RFXAP: variants seen among roughly 807,000 people sequenced by gnomAD.
RFXAP encodes the protein regulatory factor X-associated protein.
Under a neutral mutation model 25.7 loss-of-function variants are expected in RFXAP, and 21 were observed. That is an observed-to-expected ratio of 0.82 (90% CI 0.58 to 1.18). The LOEUF (loss-of-function observed/expected upper bound fraction) is 1.18, where lower values mean the gene tolerates loss of function less well. Among genes scored for constraint, RFXAP ranks in the 50% most tolerant of loss-of-function variants. The pLI is 0.00. For missense variants in RFXAP, 333 were observed against 363.0 expected (o/e 0.92, Z 0.67); for synonymous variants, 161 against 152.2 (o/e 1.06, Z -0.43).
At position 36,819,898 on chromosome 13, in the gene RFXAP, C is replaced by T. The variant is rs1271913554; in HGVS notation, c.541C>T (p.Gln181Ter). Residue 181 changes from glutamine (Q) to a stop codon, truncating the protein, a stop_gained, in exon 1 of 3, where the codon CAG becomes TAG. Transcript: ENST00000255476. LOFTEE classifies it high-confidence loss of function. Reference protein sequence around the residue: ...KDKYKKKKSDQALNCGGTAST... With the variant: ...KDKYKKKKSD ...CAAGTATAAAAAGAAGAAGAGCGAC[C>T]AGGCCCTGAACTGCGGTGGGACTGC... 6.2e-7 allele frequency: 1 copy of T among 1,613,536 alleles called. No homozygotes were observed. The highest frequency in any genetic ancestry group is 1.7e-5 in the Admixed American group (1 of 59,932).
In RFXAP at chr13:36,825,416, C is replaced by T; in HGVS notation, c.601-12C>T. 2.5e-6 allele frequency: 4 copies of T among 1,581,352 alleles called. No homozygotes were observed. The highest frequency in any genetic ancestry group is 3.5e-6 in the Non-Finnish European group (4 of 1,151,784). ...ACTGTTTATCTATTTGCATTTTTAT[C>T]ATTTATCCCAGGAAAGTGCAGATAA... On this transcript the variant is annotated splice_polypyrimidine_tract_variant and intron_variant, in intron 1 of 2. Coordinates refer to ENST00000255476, the MANE Select transcript of RFXAP (RefSeq NM_000538.4).
chr13:36,823,909 T>C (rs907755075), intron 1 of RFXAP, among the ~76,000 whole-genome samples: 17 of 152,170 alleles, frequency 1.1e-4, no homozygotes, highest in Non-Finnish European at 1.5e-4. Context: ...TAACTAGGAC[T>C]CTTAGGCATA....
chr13:36,825,285 AAGAACTTTCCC>A, intron 1 of RFXAP, 132 bp from the exon 2 acceptor site: 3 of 630,182 alleles, frequency 4.8e-6, no homozygotes, highest in East Asian at 3.0e-5. Context: ...TATGATAATG[AAGAACTTTCCC>A]AGAGTTGCCC....
chr13:36,825,861 G>A (rs564027151), intron 2 of RFXAP, among the ~76,000 whole-genome samples: 2 of 152,052 alleles, frequency 1.3e-5, no homozygotes, highest in East Asian at 1.9e-4. Context: ...TATGGTTAAC[G>A]TGTCTGGTAT....
intron 1 of RFXAP, among the ~76,000 whole-genome samples, chr13:36,825,094 C>G (rs1170357977): frequency 6.6e-6 from 1 of 152,036 alleles, no homozygotes. Context: ...TTGAAAATAG[C>G]TCACAAGTAA....
chr13:36,820,653 T>C (rs1445360988), intron 1 of RFXAP, among the ~76,000 whole-genome samples: 1 of 152,088 alleles, frequency 6.6e-6, no homozygotes, highest in Non-Finnish European at 1.5e-5. Flanking sequence ...TTAGTACCCC[T>C]GAGGGGGGAA....
intron 2 of RFXAP, among the ~76,000 whole-genome samples, chr13:36,827,337 T>C (rs930630833): frequency 6.6e-6 from 1 of 152,204 alleles, no homozygotes; most frequent in Non-Finnish European, 1.5e-5. Context: ...TTTAGCTCTT[T>C]GTTCTTACAT....
At chr13:36,821,448 C>G (rs1439836541) in intron 1 of RFXAP, among the ~76,000 whole-genome samples, 1 of 151,740 alleles carries the variant, frequency 6.6e-6, no homozygotes, top group Admixed American at 6.6e-5. Context: ...ATCGCTTGAG[C>G]CCGGAAGTTT....
intron 1 of RFXAP, among the ~76,000 whole-genome samples, chr13:36,822,964 A>C (rs2057967648): frequency 6.6e-6 from 1 of 152,218 alleles, no homozygotes; most frequent in Non-Finnish European, 1.5e-5. Context: ...TACTCCAGAA[A>C]GGCTTTGCAG....
intron 1 of RFXAP, among the ~76,000 whole-genome samples, chr13:36,824,581 T>C (rs2057972287): frequency 6.6e-6 from 1 of 152,240 alleles, no homozygotes; most frequent in African/African-American, 2.4e-5. Flanking sequence ...TTATATTTGC[T>C]ACTTTAGTAA....
At position 36,819,456 on chromosome 13, in the gene RFXAP, G is replaced by A. The variant is rs1467366776; in HGVS notation, c.99G>A (p.Ala33=). 6.6e-7 allele frequency: 1 copy of A among 1,505,394 alleles called. No homozygotes were observed. The highest frequency in any genetic ancestry group is 8.9e-7 in the Non-Finnish European group (1 of 1,126,654). 93.3% of individuals were successfully genotyped at this position (1,505,394 alleles called of 1,614,324 possible). ...CCCCGGCTGCGGCTCCCACCTTGGC[G>A]CCAGCCTCGGTGGCGGCCGCGGCCT... ...ALAPAAAPTL[A]PASVAAAASQ... Residue 33 remains alanine (A), a synonymous_variant, in exon 1 of 3, where the codon GCG becomes GCA. Transcript: ENST00000255476.
rs946397384 is a variant in RFXAP at position 36,819,737 on chromosome 13, C to G, written c.380C>G (p.Ala127Gly). ...HSGGEGSSGG[A>G]RRRGSGGGSM... ...GGGGGCGAGGGCAGCAGCGGGGGCG[C>G]CCGGAGGCGGGGCAGCGGTGGGGGC... The change falls in exon 1 of 3, where the codon GCC (alanine) becomes GGC (glycine). Residue 127 changes from alanine (A) to glycine (G), a missense_variant. By Grantham distance (60) the Ala-to-Gly change is moderately conservative (BLOSUM62 0). Coordinates refer to ENST00000255476, the MANE Select transcript of RFXAP (RefSeq NM_000538.4). 1.3e-6 allele frequency: 2 copies of G among 1,552,000 alleles called. No homozygotes were observed. The highest frequency in any genetic ancestry group is 3.9e-5 in the Admixed American group (2 of 51,124).
chr13:36,827,918 C>A lies in RFXAP; in HGVS notation c.*165C>A. 3.3e-6 allele frequency: 2 copies of A among 597,810 alleles called. No individual in the cohort carries two copies. Among genetic ancestry groups the A allele is most frequent in the South Asian group, 2.3e-5 (1 of 43,396 alleles). The allele number at this position is 597,810 out of a possible 1,614,324, so 37.0% of individuals were successfully genotyped here. A position where few individuals can be genotyped will look rare whatever the true frequency, so the allele number is the denominator to read the frequency against. ...GGATAAGTAAGTATTGCACTTTGTG[C>A]ATCTAATCTTTCAGATTACTGTGAG... On this transcript the variant is annotated 3_prime_UTR_variant, in exon 3 of 3. Coordinates refer to ENST00000255476, the MANE Select transcript of RFXAP (RefSeq NM_000538.4).
rs1489430060 is a variant in RFXAP, at chr13:36,819,555, G to A, written c.198G>A (p.Gly66=). 1 of 1,523,918 alleles carries A rather than the reference G, an allele frequency of 6.6e-7. No individual in the cohort carries two copies. Among genetic ancestry groups the A allele is most frequent in the South Asian group, 1.2e-5 (1 of 80,022 alleles). 94.4% of individuals were successfully genotyped at this position (1,523,918 alleles called of 1,614,324 possible). A position where few individuals can be genotyped will look rare whatever the true frequency, so the allele number is the denominator to read the frequency against. The change falls in exon 1 of 3, where the codon GGG becomes GGA. Residue 66 remains glycine (G), a synonymous_variant. Coordinates refer to ENST00000255476, the MANE Select transcript of RFXAP (RefSeq NM_000538.4). The stretch of plus-strand genomic sequence containing the variant: ...CTGCGGCCCCCGGGGGCAGCGTTGG[G>A]GCGGGCAAGCCCGTTAGGTACCTGT... The part of the protein sequence containing the change: ...DEAAAPGGSV[G]AGKPVRYLCE...
rs893937976 is a variant in RFXAP, at chr13:36,828,525, G to C, written c.*772G>C. ...CTTCTCTCTTTGATGTTACCTGTTA[G>C]TGCTGATCTCTTAAAGCAGACATTT... On this transcript the variant is annotated 3_prime_UTR_variant, in exon 3 of 3. Coordinates refer to ENST00000255476, the MANE Select transcript of RFXAP (RefSeq NM_000538.4). 6.6e-6 allele frequency: 1 copy of C among 152,194 alleles called. No homozygotes were observed. The highest frequency in any genetic ancestry group is 2.4e-5 in the African/African-American group (1 of 41,438). 9.4% of individuals were successfully genotyped at this position (152,194 alleles called of 1,614,324 possible). A position where few individuals can be genotyped will look rare whatever the true frequency, so the allele number is the denominator to read the frequency against.
chr13:36,828,051 C>T lies in RFXAP; in HGVS notation c.*298C>T, dbSNP rs1471377496. The stretch of plus-strand genomic sequence containing the variant: ...CTGAAGGTAATGAAGCAGTTACTTT[C>T]TGTGGAAGTCATAAAGTTAATAGAT... On this transcript the variant is annotated 3_prime_UTR_variant, in exon 3 of 3. Transcript: ENST00000255476. The T allele has an allele frequency of 2.7e-5, 9 of 329,594 alleles. No homozygotes were observed. Among genetic ancestry groups the T allele is most frequent in the Non-Finnish European group, 4.5e-5 (8 of 177,346 alleles). The allele number at this position is 329,594 out of a possible 1,614,324, so 20.4% of individuals were successfully genotyped here.
rs1593529669 is a variant in RFXAP at position 36,819,269 on chromosome 13, G to A, written c.-89G>A. 3 of 1,189,666 alleles carry A rather than the reference G, an allele frequency of 2.5e-6. No homozygotes were observed. The highest frequency in any genetic ancestry group is 4.4e-5 in the South Asian group (1 of 22,966). The allele number at this position is 1,189,666 out of a possible 1,614,324, so 73.7% of individuals were successfully genotyped here. On this transcript the variant is annotated 5_prime_UTR_variant, in exon 1 of 3. The change creates a new upstream start codon in the 5' untranslated region. Transcript: ENST00000255476. The stretch of plus-strand genomic sequence containing the variant: ...CGGTATAGGCGCCTTTTACCCCAGC[G>A]TGTCCTGAGTCTTTGGTTCGCGAAG...
Position 36,827,376 on chromosome 13 carries a change from T to C in RFXAP, c.709-267T>C, listed in dbSNP as rs535670873. Reference sequence around the variant, plus strand: ...TCAAGAGAGTATATTTGCTGGCATATTAGAGAAGGTGTTTCCTTTTTACAC... The same window carrying C: ...TCAAGAGAGTATATTTGCTGGCATACTAGAGAAGGTGTTTCCTTTTTACAC... On this transcript the variant is annotated intron_variant, in intron 2 of 2. Coordinates refer to ENST00000255476, the MANE Select transcript of RFXAP (RefSeq NM_000538.4). 1.3e-5 allele frequency among the ~76,000 whole-genome samples: 2 copies of C among 152,298 alleles called. 1 individual carries two copies. The highest frequency in any genetic ancestry group is 4.1e-4 in the South Asian group (2 of 4,822).
Position 36,827,916 on chromosome 13 carries a change from T to G in RFXAP, c.*163T>G. 1.6e-6 allele frequency: 1 copy of G among 607,534 alleles called. No individual in the cohort carries two copies. The highest frequency in any genetic ancestry group is 2.9e-6 in the Non-Finnish European group (1 of 341,058). 37.6% of individuals were successfully genotyped at this position (607,534 alleles called of 1,614,324 possible). The stretch of plus-strand genomic sequence containing the variant: ...GGGGATAAGTAAGTATTGCACTTTG[T>G]GCATCTAATCTTTCAGATTACTGTG... On this transcript the variant is annotated 3_prime_UTR_variant, in exon 3 of 3. Coordinates refer to ENST00000255476, the MANE Select transcript of RFXAP (RefSeq NM_000538.4).
Sources: allele counts gnomAD v4.1 joint callset (sites outside exome capture counted in the v4.1 genomes callset), GRCh38; gene constraint gnomAD v4.1.1; transcripts MANE v1.5; gene names NCBI Gene and HGNC (gene_info 2026-07-23, HGNC 2026-07-21).